The following CMTM4 variants were observed in gnomAD, a reference collection of about 807,000 sequenced individuals.
CMTM4 encodes the protein CKLF like MARVEL transmembrane domain containing 4.
In CMTM4, 8 loss-of-function variants were observed where a neutral mutation model predicts 19.0. The observed-to-expected ratio is 0.42, with a 90% CI of 0.25 to 0.76. The LOEUF is 0.76. CMTM4 is among the 30% of genes least tolerant of loss of function. The pLI is 0.27. For missense variants in CMTM4, 228 were observed against 290.2 expected (o/e 0.79, Z 1.56); for synonymous variants, 106 against 121.1 (o/e 0.88, Z 0.82).
chr16:66,695,576 C>G (rs2017218667), intron 1 of CMTM4, among the ~76,000 whole-genome samples: 1 of 152,186 alleles, frequency 6.6e-6, no homozygotes, highest in Non-Finnish European at 1.5e-5. Context: ...CCAGAACACC[C>G]TGGAAGCTAA....
intron 1 of CMTM4, among the ~76,000 whole-genome samples, chr16:66,644,302 A>T (rs1032240375): frequency 6.6e-6 from 1 of 152,232 alleles, no homozygotes; most frequent in Non-Finnish European, 1.5e-5. Flanking sequence ...TAATGACATG[A>T]CGTTGCTCGA....
chr16:66,677,350 C>CTCT (rs2016827012), intron 1 of CMTM4, among the ~76,000 whole-genome samples: 1 of 152,252 alleles, frequency 6.6e-6, no homozygotes, highest in Non-Finnish European at 1.5e-5. Context: ...CTGCCTCACC[C>CTCT]TGGCCCACTG....
chr16:66,654,616 G>A (rs995789888), intron 1 of CMTM4, among the ~76,000 whole-genome samples: 3 of 152,296 alleles, frequency 2.0e-5, no homozygotes, highest in African/African-American at 4.8e-5. Context: ...ATAGCCCGTC[G>A]CACAGTAGTT....
intron 1 of CMTM4, among the ~76,000 whole-genome samples, chr16:66,663,958 T>C (rs1045718807): frequency 6.6e-6 from 1 of 152,144 alleles, no homozygotes; most frequent in Non-Finnish European, 1.5e-5. Flanking sequence ...ACAGGCCAGG[T>C]GCAGTGGCAC....
chr16:66,620,025 T>C lies in CMTM4; in HGVS notation c.*2033A>G, dbSNP rs1479441495. ...TCACCAGATGATCAAGTGGTTTTAC[T>C]GAAGTGAGCTGGGAAAACTTGGGCA... On this transcript the variant is annotated 3_prime_UTR_variant, in exon 4 of 4. Coordinates refer to ENST00000394106, the MANE Select transcript of CMTM4 (RefSeq NM_181521.3). The C allele has an allele frequency of 8.1e-6, 8 of 985,358 alleles. No homozygotes were observed. Among genetic ancestry groups the C allele is most frequent in the African/African-American group, 1.7e-5 (1 of 57,252 alleles). 61.0% of individuals were successfully genotyped at this position (985,358 alleles called of 1,614,324 possible).
intron 2 of CMTM4, among the ~76,000 whole-genome samples, chr16:66,629,349 AATGTTG>A (rs1335648755): frequency 1.4e-4 from 21 of 152,104 alleles, no homozygotes; most frequent in Admixed American, 1.4e-3. Flanking sequence ...GGACAATTAT[AATGTTG>A]ATGACAGTAG....
chr16:66,618,708 T>C lies in CMTM4; in HGVS notation c.*3350A>G, dbSNP rs1423758792. The C allele has an allele frequency of 1.0e-6, 1 of 985,370 alleles. No individual in the cohort carries two copies. The highest frequency in any genetic ancestry group is 1.7e-5 in the African/African-American group (1 of 57,250). The allele number at this position is 985,370 out of a possible 1,614,324, so 61.0% of individuals were successfully genotyped here. On this transcript the variant is annotated 3_prime_UTR_variant, in exon 4 of 4. Coordinates refer to ENST00000394106, the MANE Select transcript of CMTM4 (RefSeq NM_181521.3). ...CCAAGGCTGACTCACTAGGACAGCT[T>C]CCAAGAACCACAGATGTAACTGCAA...
intron 1 of CMTM4, among the ~76,000 whole-genome samples, chr16:66,658,440 G>C (rs888393288): frequency 6.6e-6 from 1 of 152,048 alleles, no homozygotes; most frequent in Non-Finnish European, 1.5e-5. Flanking sequence ...ACTCCCATTC[G>C]AGTCGCACTT....
At position 66,637,108 on chromosome 16, in the gene CMTM4, G is replaced by GT. The variant is rs1300331665; in HGVS notation, c.187-528dup. 2.6e-5 allele frequency among the ~76,000 whole-genome samples: 4 copies of GT among 152,144 alleles called. No homozygotes were observed. In the East Asian group the frequency reaches 7.7e-4, roughly 29 times the overall value. On this transcript the variant is annotated intron_variant, in intron 1 of 3. Transcript: ENST00000394106. ...CCTGACGGCTTTAAAACAATGATTGGTATAATCTCCTTTTCCCCCAATTAG... is the reference window on the plus strand; with the variant it reads ...CCTGACGGCTTTAAAACAATGATTGGTTATAATCTCCTTTTCCCCCAATTAG...
At chr16:66,679,333 T>C (rs760187911) in intron 1 of CMTM4, among the ~76,000 whole-genome samples, 13 of 152,130 alleles carry the variant, frequency 8.5e-5, no homozygotes, top group Non-Finnish European at 1.9e-4. Flanking sequence ...TCATCACTTT[T>C]ACTGGTTCTG....
chr16:66,672,679 G>A (rs1439728712), intron 1 of CMTM4, among the ~76,000 whole-genome samples: 3 of 151,712 alleles, frequency 2.0e-5, no homozygotes, highest in Non-Finnish European at 4.4e-5. Context: ...GTGCGATCTC[G>A]GCTCACTACA....
intron 1 of CMTM4, among the ~76,000 whole-genome samples, chr16:66,683,176 C>CATATATATATATATATACAT (rs71378404): frequency 9.4e-6 from 1 of 106,048 alleles, no homozygotes; most frequent in Non-Finnish European, 1.8e-5. Context: ...TATATATATA[C>CATATATATATATATATACAT]ATATGTATAT....
rs573112180 is a variant in CMTM4 at position 66,631,345 on chromosome 16, G to A, written c.363+5060C>T. On this transcript the variant is annotated intron_variant, in intron 2 of 3. Transcript: ENST00000394106. ...CCCCGCCCGGCCAGCCGCCCCGTCC[G>A]GGAGGTGAGGGGCGCCTCTGCCCGG... 4.0e-3 allele frequency among the ~76,000 whole-genome samples: 597 copies of A among 149,390 alleles called. 2 individuals carry two copies. The highest frequency in any genetic ancestry group is 0.014 in the Admixed American group (205 of 15,086).
intron 1 of CMTM4, among the ~76,000 whole-genome samples, chr16:66,687,909 G>C (rs750196046): frequency 1.3e-5 from 2 of 151,936 alleles, no homozygotes; most frequent in African/African-American, 2.4e-5. Flanking sequence ...GGATGGTCTT[G>C]ATCTCCTGAC....
chr16:66,648,572 C>T (rs963464864), intron 1 of CMTM4, among the ~76,000 whole-genome samples: 4 of 151,782 alleles, frequency 2.6e-5, no homozygotes, highest in South Asian at 2.1e-4. Context: ...ACAGAAGAAT[C>T]GCTTGAACCC....
chr16:66,648,888 C>T (rs2016256120), intron 1 of CMTM4, among the ~76,000 whole-genome samples: 1 of 152,146 alleles, frequency 6.6e-6, no homozygotes, highest in Admixed American at 6.5e-5. Context: ...AGGAGAATCG[C>T]TTGAACCCAA....
At chr16:66,670,351 G>A (rs181711675) in intron 1 of CMTM4, among the ~76,000 whole-genome samples, 17 of 150,606 alleles carry the variant, frequency 1.1e-4, no homozygotes, top group Admixed American at 1.1e-3. Context: ...CTACCCAGGA[G>A]GCTGAGGCAG....
chr16:66,613,369 A>C (rs1037120655), downstream of CMTM4: 1 of 492,982 alleles, frequency 2.0e-6, no homozygotes, highest in African/African-American at 1.9e-5. Flanking sequence ...TCACAGTGAC[A>C]GTGTCATGGG....
chr16:66,604,175 G>GCTTGCAGGTCC, the CMTM4 span: 1 of 152,570 alleles, frequency 6.6e-6, no homozygotes, highest in African/African-American at 2.4e-5. Context: ...CTGGAGCTGC[G>GCTTGCAGGTCC]CTTGCAGGTC....
Sources: allele counts gnomAD v4.1 joint callset (sites outside exome capture counted in the v4.1 genomes callset), GRCh38; gene constraint gnomAD v4.1.1; transcripts MANE v1.5; gene names NCBI Gene and HGNC (gene_info 2026-07-23, HGNC 2026-07-21).